Variants in MAP2K3 observed in about 807,000 individuals in gnomAD.
MAP2K3 encodes dual specificity mitogen-activated protein kinase kinase 3.
Under a neutral mutation model 46.4 loss-of-function variants are expected in MAP2K3, and 30 were observed. The ratio of observed to expected loss-of-function variants is 0.65; its 90% confidence interval spans 0.48 to 0.88. The LOEUF is 0.88. Ranked by LOEUF, MAP2K3 falls within the 40% of genes least tolerant of loss-of-function variation. The pLI, the probability that MAP2K3 is intolerant of heterozygous loss-of-function variation, is 0.00. For missense variants in MAP2K3, 380 were observed against 464.5 expected, an observed-to-expected ratio of 0.82 and a Z score of 1.67; for synonymous variants, 189 against 176.3, an observed-to-expected ratio of 1.07 and a Z score of -0.57.
chr17:21,293,433 G>A (rs1269054886), intron 1 of MAP2K3, among the ~76,000 whole-genome samples: 85 of 152,376 alleles, frequency 5.6e-4, no homozygotes, highest in Non-Finnish European at 1.0e-3. Context: ...TGTTGGCATT[G>A]GGCGGGAGGA....
rs1001042592 is a variant in MAP2K3, at chr17:21,301,101, G to A, written c.399+108G>A. ...GTACGCCAGGTGCTGGGGACACCTGGCATACTGGCAGGAGGCTCCCCCGTC... is the reference window on the plus strand; with the variant it reads ...GTACGCCAGGTGCTGGGGACACCTGACATACTGGCAGGAGGCTCCCCCGTC... On this transcript the variant is annotated intron_variant, in intron 5 of 11. Coordinates refer to ENST00000342679, the MANE Select transcript of MAP2K3 (RefSeq NM_145109.3). The A allele has an allele frequency of 4.8e-5, 76 of 1,568,052 alleles. No homozygotes were observed. The Admixed American group carries it at 1.0e-3, about 22-fold the overall frequency.
intron 1 of MAP2K3, among the ~76,000 whole-genome samples, chr17:21,291,977 G>A (rs924240392): frequency 8.5e-3 from 1,289 of 151,684 alleles, no homozygotes; most frequent in African/African-American, 0.03. Flanking sequence ...TCGCCCCCAG[G>A]CTGGCACGGG....
intron 1 of MAP2K3, among the ~76,000 whole-genome samples, chr17:21,297,871 A>G (rs1976348969): frequency 4.1e-5 from 1 of 24,326 alleles, no homozygotes; most frequent in Admixed American, 4.1e-4. Flanking sequence ...CAGGGTGAGC[A>G]GGGCCCAGCA....
rs770532577 is a variant in MAP2K3 at position 21,314,170 on chromosome 17, C to T, written c.984C>T (p.His328=). The T allele has an allele frequency of 6.2e-6, 10 of 1,614,048 alleles. No individual in the cohort carries two copies. The highest frequency in any genetic ancestry group is 8.5e-6 in the Non-Finnish European group (10 of 1,179,952). The change falls in exon 12 of 12, where the codon CAC becomes CAT. Residue 328 remains histidine (H), a synonymous_variant. Coordinates refer to ENST00000342679, the MANE Select transcript of MAP2K3 (RefSeq NM_145109.3). The part of the protein sequence containing the change: ...ELMEHPFFTL[H]KTKKTDIAAF... ...AGGAGCACCCCTTCTTCACCTTGCA[C>T]AAAACCAAGAAGACGGACATTGCTG...
chr17:21,294,953 GCT>G (rs902478999), intron 1 of MAP2K3, among the ~76,000 whole-genome samples: 1 of 152,312 alleles, frequency 6.6e-6, no homozygotes, highest in Non-Finnish European at 1.5e-5. Context: ...CTGCTGACTG[GCT>G]CTCTGAGATG....
At position 21,300,672 on chromosome 17, in the gene MAP2K3, G is replaced by T. The variant is rs1567667654; in HGVS notation, c.279+14G>T. On this transcript the variant is annotated intron_variant, in intron 4 of 11. Transcript: ENST00000342679. ...ATGGCCGTGAAGGTGAGCAGGGCCT[G>T]GAGGCAGCTGGGAGGGCTCCCTGGA... 2.5e-6 allele frequency: 4 copies of T among 1,603,852 alleles called. No homozygotes were observed. In the Admixed American group the frequency reaches 5.2e-5, roughly 21 times the overall value.
intron 5 of MAP2K3, 102 bp from the exon 6 acceptor site, chr17:21,302,040 CG>C: frequency 5.9e-6 from 7 of 1,195,608 alleles, no homozygotes; most frequent in Non-Finnish European, 7.4e-6. Context: ...GGGCACACGT[CG>C]GAGAGGGGGC....
At chr17:21,302,046 G>A in intron 5 of MAP2K3, 97 bp from the exon 6 acceptor site, 8 of 1,067,278 alleles carry the variant, frequency 7.5e-6, no homozygotes, top group South Asian at 2.6e-5. Flanking sequence ...ACGTCGGAGA[G>A]GGGGCTGGGG....
chr17:21,301,483 C>G (rs932446312), intron 5 of MAP2K3, among the ~76,000 whole-genome samples: 2 of 152,308 alleles, frequency 1.3e-5, no homozygotes, highest in Admixed American at 1.3e-4. Context: ...GCAGGGAGGC[C>G]GGGAGCCTAG....
At chr17:21,305,920 T>C (rs1322559869) in intron 9 of MAP2K3, among the ~76,000 whole-genome samples, 2 of 152,312 alleles carry the variant, frequency 1.3e-5, no homozygotes, top group Admixed American at 6.5e-5. Context: ...CGTCAGCTCC[T>C]TCCCTGCCCA....
At position 21,304,523 on chromosome 17, in the gene MAP2K3, G is replaced by A. The variant is rs76111309; in HGVS notation, c.666G>A (p.Thr222=). Reference sequence around the variant, plus strand: ...ACTTGGTGGACTCTGTGGCCAAGACGATGGATGCCGGCTGCAAGCCCTACA... The same window carrying A: ...ACTTGGTGGACTCTGTGGCCAAGACAATGGATGCCGGCTGCAAGCCCTACA... ...SGYLVDSVAK[T]MDAGCKPYMA... The change falls in exon 8 of 12, where the codon ACG becomes ACA. Residue 222 remains threonine, a synonymous_variant. Coordinates refer to ENST00000342679, the MANE Select transcript of MAP2K3 (RefSeq NM_145109.3). 156 of 1,613,952 alleles carry A rather than the reference G, an allele frequency of 9.7e-5. No homozygotes were observed. The highest frequency in any genetic ancestry group is 6.8e-4 in the South Asian group (62 of 91,020).
rs910815078 is a variant in MAP2K3 at position 21,284,959 on chromosome 17, C to T, written c.39C>T (p.Pro13=). ...CCTCGAGCCAGCCCGCCAGCATGCC[C>T]CAGTCCAAAGGTAGGCGCTCCCGGC... ...SPASSQPASM[P]QSKGKSKRKK... is the part of the protein sequence containing the mutation. The change falls in exon 1 of 12, where the codon CCC becomes CCT. Residue 13 remains proline, a synonymous_variant. Coordinates refer to ENST00000342679, the MANE Select transcript of MAP2K3 (RefSeq NM_145109.3). 4 of 1,611,814 alleles carry T rather than the reference C, an allele frequency of 2.5e-6. No homozygotes were observed. The highest frequency in any genetic ancestry group is 1.3e-5 in the African/African-American group (1 of 74,916).
chr17:21,300,704 G>T lies in MAP2K3; in HGVS notation c.279+46G>T, dbSNP rs548881323. 6.9e-6 allele frequency: 11 copies of T among 1,594,708 alleles called. No homozygotes were observed. The African/African-American group carries it at 1.3e-4, about 19-fold the overall frequency. On this transcript the variant is annotated intron_variant, in intron 4 of 11. Transcript: ENST00000342679. The stretch of plus-strand genomic sequence containing the variant: ...GCTGGGAGGGCTCCCTGGAGGAGGC[G>T]GGCTGAGCTCTGCCATGGGGCCCTG...
intron 1 of MAP2K3, chr17:21,291,818 T>C (rs1410316015): frequency 5.6e-6 from 2 of 354,476 alleles, no homozygotes; most frequent in Non-Finnish European, 1.1e-5. Context: ...AGTGACCTGC[T>C]CAAGGTCACG....
Position 21,284,769 on chromosome 17 carries a change from C to A in MAP2K3, c.-152C>A, listed in dbSNP as rs535063710. 2.2e-3 allele frequency: 1,727 copies of A among 794,850 alleles called. 30 individuals carry two copies. The African/African-American group carries it at 0.029, about 13-fold the overall frequency. 49.2% of individuals were successfully genotyped at this position (794,850 alleles called of 1,614,324 possible). On this transcript the variant is annotated 5_prime_UTR_variant, in exon 1 of 12. Transcript: ENST00000342679. ...TCCTTGCTGCAGTCGCCGCCGCAGT[C>A]CTCGCCGCAGTCGCCGCCGCCGCCG...
chr17:21,288,077 C>T lies in MAP2K3; in HGVS notation c.49+3108C>T, dbSNP rs575325245. The T allele has an allele frequency of 1.7e-4, 217 of 1,289,270 alleles. 2 individuals are homozygous for T. The highest frequency in any genetic ancestry group is 1.2e-3 in the South Asian group (96 of 81,026). The allele number at this position is 1,289,270 out of a possible 1,614,324, so 79.9% of individuals were successfully genotyped here. On this transcript the variant is annotated intron_variant, in intron 1 of 11. Coordinates refer to ENST00000342679, the MANE Select transcript of MAP2K3 (RefSeq NM_145109.3). ...CCGTGTGAGGAGAAGGCCGGGGCAG[C>T]GGAGGCTTCCGGCGGTGAGTCAGCG...
intron 1 of MAP2K3, among the ~76,000 whole-genome samples, chr17:21,297,585 CG>C (rs1440409296): frequency 1.3e-5 from 2 of 152,312 alleles, no homozygotes; most frequent in Non-Finnish European, 2.9e-5. Flanking sequence ...ATTCAAAGGG[CG>C]GCCCTGACTA....
chr17:21,288,481 C>T (rs773373876), intron 1 of MAP2K3, among the ~76,000 whole-genome samples: 59 of 152,316 alleles, frequency 3.9e-4, no homozygotes, highest in Non-Finnish European at 7.4e-4. Flanking sequence ...GGGTGGGACC[C>T]GGCCTGAGCT....
At chr17:21,313,168 C>T (rs1977243542) in intron 10 of MAP2K3, among the ~76,000 whole-genome samples, 1 of 152,182 alleles carries the variant, frequency 6.6e-6, no homozygotes, top group South Asian at 2.1e-4. Context: ...AGGAGTTTCT[C>T]TCCTGATTGA....
Sources: allele counts gnomAD v4.1 joint callset (sites outside exome capture counted in the v4.1 genomes callset), GRCh38; gene constraint gnomAD v4.1.1; transcripts MANE v1.5; gene names NCBI Gene and HGNC (gene_info 2026-07-23, HGNC 2026-07-21).